SGIP1: variants seen among roughly 807,000 people sequenced by gnomAD.
The protein encoded by SGIP1 is SH3GL interacting endocytic adaptor 1.
Under a neutral mutation model 107.5 loss-of-function variants are expected in SGIP1, and 38 were observed. That is an observed-to-expected ratio of 0.35 (90% CI 0.27 to 0.46). The LOEUF is 0.46. SGIP1 is among the 20% of genes least tolerant of loss of function. The pLI is 1.00. For missense variants in SGIP1, 929 were observed against 1,019.5 expected, an observed-to-expected ratio of 0.91 and a Z score of 1.21; for synonymous variants, 365 against 366.1, an observed-to-expected ratio of 1.00 and a Z score of 0.03.
chr1:66,726,583 C>T (rs1162050227), intron 19 of SGIP1, among the ~76,000 whole-genome samples: 3 of 152,118 alleles, frequency 2.0e-5, no homozygotes, highest in Admixed American at 2.0e-4. Flanking sequence ...AATTGACTCA[C>T]ACAGATAAGG....
chr1:66,548,441 C>A (rs1189022783), intron 1 of SGIP1, among the ~76,000 whole-genome samples: 1 of 151,976 alleles, frequency 6.6e-6, no homozygotes, highest in African/African-American at 2.4e-5. Context: ...ATTGAATAAA[C>A]CCTTTCTAAC....
chr1:66,596,277 G>A (rs1048036577), intron 1 of SGIP1, among the ~76,000 whole-genome samples: 2 of 146,494 alleles, frequency 1.4e-5, no homozygotes, highest in African/African-American at 2.5e-5. Context: ...GGGCAGAAAA[G>A]AATTTTATTG....
At chr1:66,538,534 T>C (rs915989964) in intron 1 of SGIP1, among the ~76,000 whole-genome samples, 5 of 152,314 alleles carry the variant, frequency 3.3e-5, no homozygotes, top group Admixed American at 2.6e-4. Flanking sequence ...ACTAGAAGAC[T>C]CTGGATCATT....
chr1:66,633,118 T>TAAAAACAAAAA (rs1274862614), intron 3 of SGIP1, 24 bp downstream of exon 3: 1 of 1,502,114 alleles, frequency 6.7e-7, no homozygotes, highest in Non-Finnish European at 9.3e-7. Context: ...TAACCATTTT[T>TAAAAACAAAAA]ACTGAGTTTG....
At chr1:66,724,664 T>C (rs1391212327) in intron 19 of SGIP1, among the ~76,000 whole-genome samples, 2 of 152,154 alleles carry the variant, frequency 1.3e-5, no homozygotes, top group South Asian at 4.1e-4. Context: ...CTGGAAAAAA[T>C]AACAAGAACA....
At chr1:66,682,433 C>G in intron 15 of SGIP1, 64 bp downstream of exon 15, 1 of 1,534,860 alleles carries the variant, frequency 6.5e-7, no homozygotes. Flanking sequence ...GCAGTGTGAG[C>G]AACACCGTCC....
At chr1:66,629,644 A>G (rs1480003596) in intron 2 of SGIP1, among the ~76,000 whole-genome samples, 1 of 152,202 alleles carries the variant, frequency 6.6e-6, no homozygotes, top group Non-Finnish European at 1.5e-5. Context: ...AGTCCATGGT[A>G]GATGATTCTT....
intron 1 of SGIP1, among the ~76,000 whole-genome samples, chr1:66,581,552 G>T (rs746912039): frequency 4.0e-5 from 6 of 151,814 alleles, no homozygotes; most frequent in Non-Finnish European, 8.8e-5. Context: ...TTGACTCAAA[G>T]AATAAATAAG....
Position 66,746,092 on chromosome 1 carries a change from T to C in SGIP1, c.*2997T>C, listed in dbSNP as rs2094549151. On this transcript the variant is annotated 3_prime_UTR_variant, in exon 25 of 25. Transcript: ENST00000371037. Reference sequence around the variant, plus strand: ...ACTACAGAATTTTTTTTGTTTTATATATTCTTAGTCAGCAGAGTGTTTGAG... The same window carrying C: ...ACTACAGAATTTTTTTTGTTTTATACATTCTTAGTCAGCAGAGTGTTTGAG... 6.6e-6 allele frequency: 1 copy of C among 152,168 alleles called. No homozygotes were observed. The highest frequency in any genetic ancestry group is 1.5e-5 in the Non-Finnish European group (1 of 67,986). The allele number at this position is 152,168 out of a possible 1,614,324, so 9.4% of individuals were successfully genotyped here. A position where few individuals can be genotyped will look rare whatever the true frequency, so the allele number is the denominator to read the frequency against.
At chr1:66,695,321 G>T in intron 17 of SGIP1, 113 bp from the exon 18 acceptor site, 1 of 1,576,380 alleles carries the variant, frequency 6.3e-7, no homozygotes, top group Non-Finnish European at 8.6e-7. Flanking sequence ...GGCATGTAGT[G>T]CCTCCACCCT....
intron 18 of SGIP1, among the ~76,000 whole-genome samples, chr1:66,715,116 A>T (rs17129377): frequency 0.013 from 1,959 of 152,282 alleles, 44 homozygotes; most frequent in African/African-American, 0.045. Flanking sequence ...TAAGGAAATT[A>T]AAAAAGGAAC....
intron 1 of SGIP1, among the ~76,000 whole-genome samples, chr1:66,591,843 T>G (rs1384279953): frequency 6.6e-6 from 1 of 152,208 alleles, no homozygotes; most frequent in African/African-American, 2.4e-5. Flanking sequence ...CAAAGATCTC[T>G]GTGTCATAAG....
chr1:66,715,022 GC>G (rs1236238208), intron 18 of SGIP1, among the ~76,000 whole-genome samples: 7 of 151,994 alleles, frequency 4.6e-5, no homozygotes, highest in Non-Finnish European at 1.0e-4. Flanking sequence ...TAATCTTTAT[GC>G]AAAATACCTG....
At chr1:66,742,716 G>A (rs1329045179) in intron 24 of SGIP1, among the ~76,000 whole-genome samples, 2 of 148,710 alleles carry the variant, frequency 1.3e-5, no homozygotes, top group African/African-American at 5.1e-5. Flanking sequence ...TGATCCGCCC[G>A]CCTCGGCCTC....
At chr1:66,659,513 A>G (rs1478606860) in intron 7 of SGIP1, among the ~76,000 whole-genome samples, 1 of 152,210 alleles carries the variant, frequency 6.6e-6, no homozygotes, top group Non-Finnish European at 1.5e-5. Context: ...GACCGTGCCC[A>G]GCTACAATGC....
chr1:66,693,729 A>G (rs1291651464), intron 17 of SGIP1, among the ~76,000 whole-genome samples: 2 of 152,216 alleles, frequency 1.3e-5, no homozygotes, highest in Admixed American at 6.5e-5. Context: ...CCTTATAAAG[A>G]GCTGAATTGG....
At chr1:66,611,170 T>C (rs1434620739) in intron 1 of SGIP1, among the ~76,000 whole-genome samples, 1 of 152,212 alleles carries the variant, frequency 6.6e-6, no homozygotes, top group African/African-American at 2.4e-5. Flanking sequence ...AAATATTTAA[T>C]GTGATAAGTG....
At chr1:66,684,097 C>CT in intron 15 of SGIP1, 1 of 1,550,308 alleles carries the variant, frequency 6.5e-7, no homozygotes. Context: ...TTATCTTTCC[C>CT]TTTTTACAGA....
rs1055267004 is a variant in SGIP1 at position 66,744,406 on chromosome 1, A to G, written c.*1311A>G. On this transcript the variant is annotated 3_prime_UTR_variant, in exon 25 of 25. Coordinates refer to ENST00000371037, the MANE Select transcript of SGIP1 (RefSeq NM_032291.4). ...TGCCATATGAACATTTAGAAAGACAAACTTCTTCGGGAGTCTCAGTTGTAA... is the reference window on the plus strand; with the variant it reads ...TGCCATATGAACATTTAGAAAGACAGACTTCTTCGGGAGTCTCAGTTGTAA... 2 of 152,128 alleles carry G rather than the reference A, an allele frequency of 1.3e-5. No homozygotes were observed. The highest frequency in any genetic ancestry group is 2.9e-5 in the Non-Finnish European group (2 of 67,954). 9.4% of individuals were successfully genotyped at this position (152,128 alleles called of 1,614,324 possible). A position where few individuals can be genotyped will look rare whatever the true frequency, so the allele number is the denominator to read the frequency against.
Sources: gnomAD v4.1 joint callset for allele counts (sites outside exome capture counted in the v4.1 genomes callset) on GRCh38, gnomAD v4.1.1 for gene constraint, MANE v1.5 for transcripts, NCBI Gene and HGNC (gene_info 2026-07-23, HGNC 2026-07-21) for gene names.